IRF8: variants seen among roughly 807,000 people sequenced by gnomAD.
The protein encoded by IRF8 is interferon regulatory factor 8, also known as interferon consensus sequence binding protein 1.
IRF8 carries 14 observed loss-of-function variants against 48.7 expected under a neutral mutation model. The ratio of observed to expected loss-of-function variants is 0.29; its 90% CI spans 0.19 to 0.45. IRF8 has a LOEUF of 0.45. Ranked by LOEUF, IRF8 falls within the 20% of genes least tolerant of loss-of-function variation. The pLI, the probability that IRF8 is intolerant of heterozygous loss-of-function variation, is 1.00. For synonymous variants in IRF8, 278 were observed against 227.3 expected, an observed-to-expected ratio of 1.22 and a Z score of -2.01; for missense variants, 493 against 580.7, an observed-to-expected ratio of 0.85 and a Z score of 1.55.
chr16:85,909,548 G>A (rs542112862), intron 3 of IRF8: 1 of 291,562 alleles, frequency 3.4e-6, no homozygotes, highest in Non-Finnish European at 6.7e-6. Flanking sequence ...TGAGGGTTGG[G>A]AGTAAAGCTC....
chr16:85,908,354 C>T (rs1905060081), intron 2 of IRF8, among the ~76,000 whole-genome samples: 1 of 152,012 alleles, frequency 6.6e-6, no homozygotes. Flanking sequence ...GGTCCTAGTT[C>T]AGATCCTAAG....
At chr16:85,915,242 C>T (rs1461577761) in intron 6 of IRF8, among the ~76,000 whole-genome samples, 2 of 152,348 alleles carry the variant, frequency 1.3e-5, no homozygotes, top group Non-Finnish European at 1.5e-5. Context: ...GACGCTCAGG[C>T]GTGGTGACGG....
At chr16:85,905,341 C>G (rs1452181372) in intron 2 of IRF8, among the ~76,000 whole-genome samples, 1 of 152,130 alleles carries the variant, frequency 6.6e-6, no homozygotes, top group African/African-American at 2.4e-5. Flanking sequence ...CACCCCATTC[C>G]CTACTTCAAC....
chr16:85,918,327 C>A (rs781697058), intron 6 of IRF8, 90 bp from the exon 7 acceptor site: 2 of 1,424,418 alleles, frequency 1.4e-6, no homozygotes, highest in African/African-American at 1.4e-5. Flanking sequence ...AAGAGTTACC[C>A]GTGTAGGTGT....
intron 1 of IRF8, among the ~76,000 whole-genome samples, chr16:85,899,766 G>A (rs149069570): frequency 9.9e-5 from 15 of 152,278 alleles, no homozygotes; most frequent in African/African-American, 2.9e-4. Flanking sequence ...GTCGTCCTTG[G>A]CAAGAGAGTC....
rs1336576908 is a variant in IRF8, at chr16:85,921,214, A to C, written c.1213A>C (p.Met405Leu). Residue 405 changes from methionine to leucine, a missense_variant, in exon 9 of 9, where the codon ATG becomes CTG. By Grantham distance (15) the Met-to-Leu change is conservative. Around this residue, in one of 3 missense-constraint regions of IRF8, gnomAD observed 408 missense variants for 449.6 expected, o/e 0.91. Coordinates refer to ENST00000268638, the MANE Select transcript of IRF8 (RefSeq NM_002163.4). ...EEPPPDQVFR[M>L]FPDICASHQR... ...GCCGCCGCCAGACCAGGTCTTCCGG[A>C]TGTTTCCAGATATTTGTGCCTCACA... 1.9e-6 allele frequency: 3 copies of C among 1,614,220 alleles called. No homozygotes were observed. The highest frequency in any genetic ancestry group is 2.5e-6 in the Non-Finnish European group (3 of 1,180,044).
Position 85,914,383 on chromosome 16 carries a change from TAAGGG to T in IRF8, c.554-88_554-84del, listed in dbSNP as rs1905233066. 2.6e-6 allele frequency: 4 copies of T among 1,512,802 alleles called. No homozygotes were observed. In the South Asian group the frequency reaches 4.5e-5, roughly 17 times the overall value. The allele number at this position is 1,512,802 out of a possible 1,614,324, so 93.7% of individuals were successfully genotyped here. ...CTCTGGCACGCCATGTGCAGCCTTT[TAAGGG>T]ACTTTTGGAGAAGGAGCGATTGGGG... On this transcript the variant is annotated intron_variant, in intron 5 of 8. Transcript: ENST00000268638.
intron 2 of IRF8, among the ~76,000 whole-genome samples, chr16:85,906,735 G>C (rs1905015904): frequency 6.6e-6 from 1 of 152,230 alleles, no homozygotes; most frequent in South Asian, 2.1e-4. Flanking sequence ...GTGGTTCTCA[G>C]GTGGGGGAGG....
chr16:85,907,188 A>G (rs1333981369), intron 2 of IRF8, among the ~76,000 whole-genome samples: 1 of 152,198 alleles, frequency 6.6e-6, no homozygotes, highest in Non-Finnish European at 1.5e-5. Context: ...CAGTCTCTTT[A>G]CCCCAGGTAG....
rs1334747408 is a variant in IRF8 at position 85,921,355 on chromosome 16, T to G, written c.*73T>G. The G allele has an allele frequency of 4.0e-5, 59 of 1,485,650 alleles. No individual in the cohort carries two copies. The highest frequency in any genetic ancestry group is 1.7e-4 in the Middle Eastern group (1 of 5,864). The allele number at this position is 1,485,650 out of a possible 1,614,324, so 92.0% of individuals were successfully genotyped here. Reference sequence around the variant, plus strand: ...CCTGTTACAGTGGCCCGCATCATGATTAAAGAATGTGGATCCCTCTGTCTG... The same window carrying G: ...CCTGTTACAGTGGCCCGCATCATGAGTAAAGAATGTGGATCCCTCTGTCTG... On this transcript the variant is annotated 3_prime_UTR_variant, in exon 9 of 9. Transcript: ENST00000268638.
At chr16:85,917,493 T>A (rs1331756539) in intron 6 of IRF8, among the ~76,000 whole-genome samples, 1 of 152,208 alleles carries the variant, frequency 6.6e-6, no homozygotes, top group Non-Finnish European at 1.5e-5. Flanking sequence ...TTAAGTTTAT[T>A]TTAAATGAGA....
intron 6 of IRF8, among the ~76,000 whole-genome samples, chr16:85,915,468 G>C (rs409661): frequency 0.01 from 1,525 of 152,278 alleles, 34 homozygotes; most frequent in African/African-American, 0.035. Flanking sequence ...GAAAACTGTC[G>C]AGATGGCAAT....
intron 3 of IRF8, among the ~76,000 whole-genome samples, chr16:85,911,203 T>A (rs1239247096): frequency 1.3e-5 from 2 of 152,238 alleles, no homozygotes; most frequent in Non-Finnish European, 2.9e-5. Flanking sequence ...CGGTGAGTGT[T>A]TTCAAATGCC....
intron 8 of IRF8, 127 bp downstream of exon 8, chr16:85,920,351 A>G (rs1905510000): frequency 1.5e-6 from 1 of 654,370 alleles, no homozygotes; most frequent in East Asian, 2.9e-5. Context: ...GGTTCAAGTG[A>G]TTCTCCTGCC....
At chr16:85,919,394 C>T (rs1028808472) in intron 7 of IRF8, among the ~76,000 whole-genome samples, 1 of 152,172 alleles carries the variant, frequency 6.6e-6, no homozygotes. Flanking sequence ...CTCTGCTCCT[C>T]TCCCTGTAGC....
chr16:85,917,760 G>C (rs1905364385), intron 6 of IRF8, among the ~76,000 whole-genome samples: 1 of 152,200 alleles, frequency 6.6e-6, no homozygotes, highest in Non-Finnish European at 1.5e-5. Flanking sequence ...GAATATTGAA[G>C]ATGGAATAAT....
intron 6 of IRF8, among the ~76,000 whole-genome samples, chr16:85,916,038 G>A (rs1905294327): frequency 6.6e-6 from 1 of 152,096 alleles, no homozygotes; most frequent in Non-Finnish European, 1.5e-5. Flanking sequence ...CCTGGGCACA[G>A]CACCTGATAT....
chr16:85,907,454 C>T (rs929237169), intron 2 of IRF8, among the ~76,000 whole-genome samples: 2 of 152,172 alleles, frequency 1.3e-5, no homozygotes, highest in Admixed American at 6.5e-5. Context: ...CCGAGGCAGG[C>T]GGATCACGAG....
chr16:85,921,401 C>G lies in IRF8; in HGVS notation c.*119C>G. The G allele has an allele frequency of 9.1e-7, 1 of 1,098,942 alleles. No homozygotes were observed. The highest frequency in any genetic ancestry group is 1.4e-6 in the Non-Finnish European group (1 of 727,216). The allele number at this position is 1,098,942 out of a possible 1,614,324, so 68.1% of individuals were successfully genotyped here. On this transcript the variant is annotated 3_prime_UTR_variant, in exon 9 of 9. Coordinates refer to ENST00000268638, the MANE Select transcript of IRF8 (RefSeq NM_002163.4). ...GTCTGGGGTGGGATGCCTTACTTTGCACTTAATTTAATAAGGGCATTCTCG... is the reference window on the plus strand; with the variant it reads ...GTCTGGGGTGGGATGCCTTACTTTGGACTTAATTTAATAAGGGCATTCTCG...
Sources: allele counts gnomAD v4.1 joint callset (sites outside exome capture counted in the v4.1 genomes callset), GRCh38; gene constraint gnomAD v4.1.1; regional missense constraint gnomAD v4.1.1; transcripts MANE v1.5; gene names NCBI Gene and HGNC (gene_info 2026-07-23, HGNC 2026-07-21).